CADPS: variants seen among roughly 807,000 people sequenced by gnomAD.
The protein encoded by CADPS is calcium-dependent secretion activator 1.
Under a neutral mutation model 167.3 loss-of-function variants are expected in CADPS, and 57 were observed. The observed-to-expected ratio is 0.34, with a 90% CI of 0.28 to 0.42. CADPS has a LOEUF of 0.42. CADPS is among the 20% of genes least tolerant of loss of function. CADPS has a pLI of 1.00. For synonymous variants in CADPS, 676 were observed against 635.3 expected (o/e 1.06, Z -0.96); for missense variants, 1,414 against 1,738.1 (o/e 0.81, Z 3.32).
Position 62,421,678 on chromosome 3 carries a change from G to C in CADPS, c.3777+16426C>G, listed in dbSNP as rs1007534704. Among the ~76,000 whole-genome samples, 1 of 152,200 alleles carries C rather than the reference G, an allele frequency of 6.6e-6. No homozygotes were observed. Among genetic ancestry groups the C allele is most frequent in the African/African-American group, 2.4e-5 (1 of 41,454 alleles). The stretch of plus-strand genomic sequence containing the variant: ...TTTTCCCCCCAAAGGAGGGGGAAGG[G>C]GGGACTTTGCCCAAGCCAAGGATTT... On this transcript the variant is annotated intron_variant, in intron 28 of 29. Transcript: ENST00000383710. The surrounding 1 kb of genome is among the most constrained non-coding windows in gnomAD (Gnocchi z 4.7).
At chr3:62,743,566 AC>A (rs1342978592) in intron 3 of CADPS, among the ~76,000 whole-genome samples, 1 of 152,202 alleles carries the variant, frequency 6.6e-6, no homozygotes, top group Admixed American at 6.5e-5. Flanking sequence ...AAATAGCTAC[AC>A]TTTTCAGGTC....
At chr3:62,682,627 A>T (rs1487996520) in intron 3 of CADPS, among the ~76,000 whole-genome samples, 2 of 152,058 alleles carry the variant, frequency 1.3e-5, no homozygotes, top group African/African-American at 4.8e-5. Context: ...TATTTAAGAG[A>T]TCTGGATCTC....
intron 9 of CADPS, among the ~76,000 whole-genome samples, chr3:62,567,068 C>T (rs562551955): frequency 1.1e-4 from 16 of 152,226 alleles, no homozygotes; most frequent in Admixed American, 4.6e-4. Context: ...CCTGTGTTCC[C>T]GTTGCCTGAA....
intron 4 of CADPS, 108 bp downstream of exon 4, chr3:62,662,206 C>T (rs970094636): frequency 2.1e-6 from 2 of 970,156 alleles, no homozygotes; most frequent in African/African-American, 1.6e-5. Context: ...CTCATCTTCC[C>T]TCCTCTCTGC....
chr3:62,497,213 C>T (rs7429220), intron 18 of CADPS, among the ~76,000 whole-genome samples: 28,151 of 152,186 alleles, frequency 0.18, 3,415 homozygotes, highest in South Asian at 0.31. Flanking sequence ...AAATATACAT[C>T]CTTTCTTAGC....
chr3:62,526,728 C>G (rs1279620931), intron 13 of CADPS, among the ~76,000 whole-genome samples: 1 of 152,188 alleles, frequency 6.6e-6, no homozygotes, highest in East Asian at 1.9e-4. Flanking sequence ...TCCTGTCTCT[C>G]TTTTCAGAAA....
chr3:62,513,650 C>A, intron 16 of CADPS: 1 of 1,589,648 alleles, frequency 6.3e-7, no homozygotes, highest in Non-Finnish European at 8.6e-7. Flanking sequence ...ATGGTTAAAT[C>A]CATCACTTGG....
At chr3:62,789,818 G>A (rs938595521) in intron 1 of CADPS, among the ~76,000 whole-genome samples, 6 of 152,250 alleles carry the variant, frequency 3.9e-5, no homozygotes, top group African/African-American at 9.6e-5. Context: ...TAATTAACGT[G>A]TATCAAGCCT....
intron 28 of CADPS, among the ~76,000 whole-genome samples, chr3:62,415,011 C>T (rs1445231777): frequency 1.3e-5 from 2 of 152,120 alleles, no homozygotes; most frequent in East Asian, 1.9e-4. Context: ...CAGACCCTCC[C>T]GTCTGATGCT....
intron 3 of CADPS, among the ~76,000 whole-genome samples, chr3:62,696,328 T>G (rs934173484): frequency 6.6e-6 from 1 of 152,150 alleles, no homozygotes; most frequent in African/African-American, 2.4e-5. Context: ...GCAAACCCCC[T>G]GCCACTGGCA....
rs112178791 is a variant in CADPS, at chr3:62,580,618, G to GAA, written c.1577+4565_1577+4566dup. ...AATAAAAAAAAAAAGAAAGAGGCAA[G>GAA]AAAAAAACCACTGACTGTATATGAG... On this transcript the variant is annotated intron_variant, in intron 8 of 29. Coordinates refer to ENST00000383710, the MANE Select transcript of CADPS (RefSeq NM_003716.4). Among the ~76,000 whole-genome samples the GAA allele has an allele frequency of 1.0e-2, 1,500 of 150,416 alleles. 80 individuals are homozygous for GAA. The East Asian group carries it at 0.14, about 14-fold the overall frequency.
At chr3:62,703,070 T>G (rs1445200393) in intron 3 of CADPS, among the ~76,000 whole-genome samples, 1 of 152,118 alleles carries the variant, frequency 6.6e-6, no homozygotes, top group Non-Finnish European at 1.5e-5. Flanking sequence ...AGAATTCTGT[T>G]CATAAGCATC....
At chr3:62,547,142 G>T (rs979806516) in intron 11 of CADPS, among the ~76,000 whole-genome samples, 3 of 152,158 alleles carry the variant, frequency 2.0e-5, no homozygotes, top group Admixed American at 6.6e-5. Flanking sequence ...GCTTAAACTA[G>T]CAATAGATAG....
intron 4 of CADPS, among the ~76,000 whole-genome samples, chr3:62,654,619 C>T (rs977941287): frequency 2.6e-5 from 4 of 152,148 alleles, no homozygotes; most frequent in Non-Finnish European, 5.9e-5. Context: ...GGTAGGTTAA[C>T]TCATGGTCTG....
chr3:62,532,821 C>T (rs748243916), intron 13 of CADPS, 50 bp downstream of exon 13: 17 of 1,560,052 alleles, frequency 1.1e-5, no homozygotes, highest in Non-Finnish European at 1.5e-5. Flanking sequence ...TAAACCATTG[C>T]CAGTGCCATT....
chr3:62,756,683 G>A (rs537932567), intron 2 of CADPS, among the ~76,000 whole-genome samples: 41 of 152,208 alleles, frequency 2.7e-4, no homozygotes, highest in Non-Finnish European at 5.1e-4. Context: ...GGTCAAGAAA[G>A]CCTTCCTGAA....
intron 1 of CADPS, among the ~76,000 whole-genome samples, chr3:62,800,021 A>T (rs1165645108): frequency 1.3e-5 from 2 of 152,136 alleles, no homozygotes; most frequent in Non-Finnish European, 2.9e-5. Context: ...ACCTTATAAG[A>T]TTGGGCTTTC....
chr3:62,762,668 A>G (rs1156670629), intron 2 of CADPS, among the ~76,000 whole-genome samples: 1 of 151,864 alleles, frequency 6.6e-6, no homozygotes, highest in Non-Finnish European at 1.5e-5. Flanking sequence ...AAAAAAAAAA[A>G]AAAAAAAAGG....
intron 7 of CADPS, among the ~76,000 whole-genome samples, chr3:62,590,157 C>A (rs1333680001): frequency 6.6e-6 from 1 of 150,600 alleles, no homozygotes; most frequent in South Asian, 2.1e-4. Flanking sequence ...CCACTGTACT[C>A]CAGCTTGGGC....
Sources: allele counts gnomAD v4.1 joint callset (sites outside exome capture counted in the v4.1 genomes callset), GRCh38; gene constraint gnomAD v4.1.1; non-coding constraint Gnocchi (gnomAD v3.1); transcripts MANE v1.5; gene names NCBI Gene and HGNC (gene_info 2026-07-23, HGNC 2026-07-21).